Variants in PRRX2 observed in about 807,000 individuals in gnomAD.
PRRX2 encodes paired related homeobox 2, also known as paired mesoderm homeobox protein 2.
Under a neutral mutation model 18.0 loss-of-function variants are expected in PRRX2, and 11 were observed. That is an observed-to-expected ratio of 0.61 (90% CI 0.39 to 1.01). The LOEUF is 1.01. Ranked by LOEUF, PRRX2 falls within the 50% of genes least tolerant of loss-of-function variation. The pLI, the probability that PRRX2 is intolerant of heterozygous loss-of-function variation, is 0.01. For synonymous variants in PRRX2, 177 were observed against 154.8 expected, an observed-to-expected ratio of 1.14 and a Z score of -1.06; for missense variants, 387 against 351.0, an observed-to-expected ratio of 1.10 and a Z score of -0.82.
Position 129,717,724 on chromosome 9 carries a change from A to G in PRRX2, c.260-1507A>G, listed in dbSNP as rs367871980. Reference sequence around the variant, plus strand: ...AAAAAAAAAAAAAAAAGAAAAAGAAAAAAGAAAGAAAATGTGGGGAGTGGG... The same window carrying G: ...AAAAAAAAAAAAAAAAGAAAAAGAAGAAAGAAAGAAAATGTGGGGAGTGGG... On this transcript the variant is annotated intron_variant, in intron 1 of 3. Coordinates refer to ENST00000372469, the MANE Select transcript of PRRX2 (RefSeq NM_016307.4). Among the ~76,000 whole-genome samples the G allele has an allele frequency of 1.4e-3, 209 of 151,670 alleles. 1 individual carries two copies. Among genetic ancestry groups the G allele is most frequent in the African/African-American group, 4.7e-3 (193 of 41,276 alleles).
intron 1 of PRRX2, among the ~76,000 whole-genome samples, chr9:129,670,381 A>G (rs1368223340): frequency 6.6e-6 from 1 of 151,530 alleles, no homozygotes; most frequent in African/African-American, 2.4e-5. Flanking sequence ...TAATTTTTTT[A>G]TTTTTTAGTT....
chr9:129,713,573 G>A (rs1175713298), intron 1 of PRRX2, among the ~76,000 whole-genome samples: 1 of 152,154 alleles, frequency 6.6e-6, no homozygotes, highest in African/African-American at 2.4e-5. Flanking sequence ...CGTGAAGAGG[G>A]GTTCGCAGCC....
At chr9:129,683,465 G>A (rs1411500868) in intron 1 of PRRX2, among the ~76,000 whole-genome samples, 1 of 152,192 alleles carries the variant, frequency 6.6e-6, no homozygotes, top group African/African-American at 2.4e-5. Context: ...GCCGGGCGCG[G>A]TGGCTCACGC....
intron 1 of PRRX2, among the ~76,000 whole-genome samples, chr9:129,673,244 T>C (rs1296951923): frequency 6.6e-6 from 1 of 152,188 alleles, no homozygotes; most frequent in African/African-American, 2.4e-5. Context: ...AGACCAAAAG[T>C]TCAAGACCAG....
chr9:129,677,460 C>T (rs139375774), intron 1 of PRRX2, among the ~76,000 whole-genome samples: 101 of 152,348 alleles, frequency 6.6e-4, no homozygotes, highest in African/African-American at 2.3e-3. Flanking sequence ...TAGGCTCTGC[C>T]TCTGGGGGAG....
chr9:129,705,431 G>C (rs113333577), intron 1 of PRRX2, among the ~76,000 whole-genome samples: 1 of 151,998 alleles, frequency 6.6e-6, no homozygotes, highest in Non-Finnish European at 1.5e-5. Context: ...CCTGGCCCAC[G>C]GCAACCTCCG....
At chr9:129,672,740 C>T (rs193117102) in intron 1 of PRRX2, among the ~76,000 whole-genome samples, 1 of 152,268 alleles carries the variant, frequency 6.6e-6, no homozygotes, top group African/African-American at 2.4e-5. Context: ...TGCCCTTCCC[C>T]TCCTGCCCAG....
At chr9:129,702,854 G>T (rs996017632) in intron 1 of PRRX2, among the ~76,000 whole-genome samples, 4 of 152,234 alleles carry the variant, frequency 2.6e-5, no homozygotes, top group African/African-American at 7.2e-5. Flanking sequence ...TCTTCACGTG[G>T]CAAAGTGTGG....
At chr9:129,716,494 G>T (rs146714712) in intron 1 of PRRX2, among the ~76,000 whole-genome samples, 5,627 of 146,530 alleles carry the variant, frequency 0.038, 350 homozygotes, top group East Asian at 0.29. Context: ...TCACTCTGTC[G>T]CCCAGGCTGG....
rs564438738 is a variant in PRRX2 at position 129,698,893 on chromosome 9, G to A, written c.260-20338G>A. Among the ~76,000 whole-genome samples, 60 of 152,326 alleles carry A rather than the reference G, an allele frequency of 3.9e-4. No homozygotes were observed. In the Middle Eastern group the frequency reaches 0.01, roughly 26 times the overall value. On this transcript the variant is annotated intron_variant, in intron 1 of 3. Coordinates refer to ENST00000372469, the MANE Select transcript of PRRX2 (RefSeq NM_016307.4). Reference sequence around the variant, plus strand: ...ATCTTCCTGGTGTCTGGAGGCTCAGGAAACAAGGTGGTTCGTTCCTAAACT... The same window carrying A: ...ATCTTCCTGGTGTCTGGAGGCTCAGAAAACAAGGTGGTTCGTTCCTAAACT...
At position 129,719,278 on chromosome 9, in the gene PRRX2, A is replaced by AAGC; in HGVS notation, c.311_313dup (p.Gln104dup). On this transcript the variant is annotated inframe_insertion, in exon 2 of 4. Transcript: ENST00000372469. Reference sequence around the variant, plus strand: ...CGGTAGCGCCGCCAAGCGGAAGAAGAAGCAGCGGCGGAACCGCACCACGTT... The same window carrying AAGC: ...CGGTAGCGCCGCCAAGCGGAAGAAGAAGCAGCAGCGGCGGAACCGCACCACGTT... 1 of 1,609,500 alleles carries AAGC rather than the reference A, an allele frequency of 6.2e-7. No individual in the cohort carries two copies. Among genetic ancestry groups the AAGC allele is most frequent in the Non-Finnish European group, 8.5e-7 (1 of 1,178,340 alleles).
chr9:129,687,344 G>T (rs1832310158), intron 1 of PRRX2, among the ~76,000 whole-genome samples: 1 of 152,214 alleles, frequency 6.6e-6, no homozygotes, highest in Non-Finnish European at 1.5e-5. Flanking sequence ...GGCCCCTCGG[G>T]GTTGGTGAGG....
chr9:129,695,837 C>G lies in PRRX2; in HGVS notation c.260-23394C>G, dbSNP rs1832413989. ...GTTAACAAGCCCCCACAAGTGAATTCAGAGAGCATTAACGGGAAAGTTCTA... is the reference window on the plus strand; with the variant it reads ...GTTAACAAGCCCCCACAAGTGAATTGAGAGAGCATTAACGGGAAAGTTCTA... On this transcript the variant is annotated intron_variant, in intron 1 of 3. Transcript: ENST00000372469. This position sits in a 1 kb window ranked among gnomAD's most constrained non-coding sequence, Gnocchi z 4.8. Among the ~76,000 whole-genome samples, 1 of 152,142 alleles carries G rather than the reference C, an allele frequency of 6.6e-6. No homozygotes were observed. The highest frequency in any genetic ancestry group is 1.9e-4 in the East Asian group (1 of 5,196).
At chr9:129,699,024 C>G (rs112849083) in intron 1 of PRRX2, among the ~76,000 whole-genome samples, 116 of 152,340 alleles carry the variant, frequency 7.6e-4, no homozygotes, top group African/African-American at 2.5e-3. Flanking sequence ...ACAGGAAGGC[C>G]GCTGTGCCTG....
At chr9:129,666,330 T>C (rs899011255) in intron 1 of PRRX2, among the ~76,000 whole-genome samples, 2 of 151,864 alleles carry the variant, frequency 1.3e-5, no homozygotes, top group African/African-American at 4.8e-5. Context: ...CTTCGGGTCT[T>C]GGGGTGCGTC....
At position 129,671,731 on chromosome 9, in the gene PRRX2, TGTGA is replaced by T. The variant is rs1348200524; in HGVS notation, c.259+5608_259+5611del. ...CTCCTGGAGATGCTCTCTGAGGGCC[TGTGA>T]GTCAGGCGAGGCTGTCAGAGGCCCA... On this transcript the variant is annotated intron_variant, in intron 1 of 3. Transcript: ENST00000372469. The surrounding 1 kb of genome is among the most constrained non-coding windows in gnomAD (Gnocchi z 4.0). Among the ~76,000 whole-genome samples, 1 of 152,212 alleles carries T rather than the reference TGTGA, an allele frequency of 6.6e-6. No homozygotes were observed. Among genetic ancestry groups the T allele is most frequent in the East Asian group, 1.9e-4 (1 of 5,184 alleles).
chr9:129,713,756 G>A (rs531803893), intron 1 of PRRX2, among the ~76,000 whole-genome samples: 1 of 151,562 alleles, frequency 6.6e-6, no homozygotes, highest in South Asian at 2.1e-4. Flanking sequence ...TCGGCCTCCT[G>A]AGTAGCTGGA....
chr9:129,720,573 C>T, intron 2 of PRRX2, 23 bp from the exon 3 acceptor site: 1 of 1,581,434 alleles, frequency 6.3e-7, no homozygotes. Context: ...CATGCTGCAC[C>T]CTGCTCACCC....
At chr9:129,713,908 G>T (rs1436206554) in intron 1 of PRRX2, among the ~76,000 whole-genome samples, 1 of 151,508 alleles carries the variant, frequency 6.6e-6, no homozygotes, top group Non-Finnish European at 1.5e-5. Context: ...CTCCCAAAGT[G>T]CTGGGATTAT....
Sources: allele counts gnomAD v4.1 joint callset (sites outside exome capture counted in the v4.1 genomes callset), GRCh38; gene constraint gnomAD v4.1.1; non-coding constraint Gnocchi (gnomAD v3.1); transcripts MANE v1.5; gene names NCBI Gene and HGNC (gene_info 2026-07-23, HGNC 2026-07-21).